Variants in KIF6 observed in about 807,000 individuals in gnomAD.
KIF6 encodes the protein kinesin-like protein KIF6.
KIF6 carries 106 observed loss-of-function variants against 112.7 expected under a neutral mutation model. That is an observed-to-expected ratio of 0.94 (90% CI 0.80 to 1.11). The LOEUF (loss-of-function observed/expected upper bound fraction) is 1.11. Ranked by LOEUF, KIF6 falls within the 50% of genes least tolerant of loss-of-function variation. The pLI, the probability that KIF6 is intolerant of heterozygous loss-of-function variation, is 0.00. For synonymous variants in KIF6, 339 were observed against 339.9 expected, an observed-to-expected ratio of 1.00 and a Z score of 0.03; for missense variants, 929 against 964.0, an observed-to-expected ratio of 0.96 and a Z score of 0.48.
chr6:39,464,437 G>A (rs1010882804), intron 13 of KIF6, among the ~76,000 whole-genome samples: 7 of 152,196 alleles, frequency 4.6e-5, no homozygotes, highest in African/African-American at 1.7e-4. Context: ...ATCAGCCAGC[G>A]TATTAAGCAT....
intron 6 of KIF6, among the ~76,000 whole-genome samples, chr6:39,597,977 C>A (rs1490031021): frequency 6.6e-6 from 1 of 151,952 alleles, no homozygotes; most frequent in Admixed American, 6.6e-5. Context: ...ACCAGCCTGA[C>A]CAAAATGGTG....
At chr6:39,720,633 A>C in intron 2 of KIF6, 69 bp downstream of exon 2, 1 of 806,562 alleles carries the variant, frequency 1.2e-6, no homozygotes. Context: ...TTCACAATGA[A>C]TATTAATGCA....
chr6:39,455,525 AT>A (rs1306798365), intron 13 of KIF6, among the ~76,000 whole-genome samples: 4 of 152,318 alleles, frequency 2.6e-5, no homozygotes, highest in Admixed American at 2.6e-4. Flanking sequence ...ATGGAGAATG[AT>A]TTTGACGAGC....
Position 39,720,700 on chromosome 6 carries a change from A to T in KIF6, c.176+2T>A. ...ATGAAAAAAGGAGAAAGAAAAACTT[A>T]CTTAAATTTGTAGCTTTCTCGCTTA... On this transcript the variant is annotated splice_donor_variant, in intron 2 of 22. Coordinates refer to ENST00000287152, the MANE Select transcript of KIF6 (RefSeq NM_145027.6). LOFTEE classifies it high-confidence loss of function. 1 of 1,489,448 alleles carries T rather than the reference A, an allele frequency of 6.7e-7. No homozygotes were observed. The highest frequency in any genetic ancestry group is 1.4e-5 in the African/African-American group (1 of 72,564). The allele number at this position is 1,489,448 out of a possible 1,614,324, so 92.3% of individuals were successfully genotyped here.
At chr6:39,640,171 C>G (rs1265342295) in intron 3 of KIF6, among the ~76,000 whole-genome samples, 1 of 152,104 alleles carries the variant, frequency 6.6e-6, no homozygotes, top group Non-Finnish European at 1.5e-5. Context: ...GGAACACACT[C>G]TGCTTGCCAC....
chr6:39,681,967 A>C (rs549552126), intron 3 of KIF6, among the ~76,000 whole-genome samples: 1 of 47,994 alleles, frequency 2.1e-5, no homozygotes, highest in South Asian at 7.4e-4. Context: ...CAGAGAAAAA[A>C]AATGCTCATC....
intron 9 of KIF6, among the ~76,000 whole-genome samples, chr6:39,579,888 A>T (rs1194291010): frequency 6.6e-6 from 1 of 151,876 alleles, no homozygotes; most frequent in Non-Finnish European, 1.5e-5. Flanking sequence ...ATATGGCAAT[A>T]CCACACTAAT....
chr6:39,592,648 CT>C (rs1782015949), intron 7 of KIF6, among the ~76,000 whole-genome samples: 1 of 152,204 alleles, frequency 6.6e-6, no homozygotes, highest in African/African-American at 2.4e-5. Flanking sequence ...GTATGTCTCC[CT>C]TTTCCTCCCA....
At chr6:39,659,981 A>G (rs917455476) in intron 3 of KIF6, among the ~76,000 whole-genome samples, 1 of 152,176 alleles carries the variant, frequency 6.6e-6, no homozygotes, top group Middle Eastern at 3.2e-3. Context: ...AAATTTATCC[A>G]TAAGTTTATA....
chr6:39,561,404 T>A (rs1040420436), intron 10 of KIF6, among the ~76,000 whole-genome samples: 1 of 151,286 alleles, frequency 6.6e-6, no homozygotes, highest in Non-Finnish European at 1.5e-5. Flanking sequence ...CAGGCTGGAG[T>A]GCGTTGGTAT....
chr6:39,701,270 C>A (rs997302818), intron 3 of KIF6, among the ~76,000 whole-genome samples: 2 of 152,190 alleles, frequency 1.3e-5, no homozygotes, highest in African/African-American at 4.8e-5. Flanking sequence ...CTGGTCCAGC[C>A]CCCACGGGAA....
At chr6:39,664,589 G>C (rs1343544962) in intron 3 of KIF6, among the ~76,000 whole-genome samples, 1 of 152,192 alleles carries the variant, frequency 6.6e-6, no homozygotes, top group Non-Finnish European at 1.5e-5. Context: ...CTGGGTGGGA[G>C]CAAGATTTAA....
intron 15 of KIF6, among the ~76,000 whole-genome samples, chr6:39,394,909 G>A (rs1768146883): frequency 6.6e-6 from 1 of 152,202 alleles, no homozygotes; most frequent in South Asian, 2.1e-4. Flanking sequence ...TTCCCCCCGT[G>A]GGGATTTTCT....
intron 6 of KIF6, among the ~76,000 whole-genome samples, chr6:39,610,158 G>T (rs906684986): frequency 1.3e-5 from 2 of 152,170 alleles, no homozygotes; most frequent in Non-Finnish European, 2.9e-5. Flanking sequence ...CTTGCGACTG[G>T]TGGACTTGGA....
intron 3 of KIF6, among the ~76,000 whole-genome samples, chr6:39,648,131 C>T (rs989497698): frequency 2.0e-5 from 3 of 148,754 alleles, no homozygotes; most frequent in Non-Finnish European, 1.5e-5. Context: ...TCAAGCGATT[C>T]TCCTGCCTCA....
At chr6:39,661,291 T>C (rs1270661013) in intron 3 of KIF6, among the ~76,000 whole-genome samples, 1 of 152,194 alleles carries the variant, frequency 6.6e-6, no homozygotes, top group Non-Finnish European at 1.5e-5. Context: ...ACTAATCCTT[T>C]GATTTGCATT....
rs575509585 is a variant in KIF6, at chr6:39,443,497, A to G, written c.1646-12336T>C. On this transcript the variant is annotated intron_variant, in intron 13 of 22. Transcript: ENST00000287152. ...CTTGCTCTATTGCCCAGGCTGGAGTAGAGTGGTGCAATCTTGGCTCACTGC... is the reference window on the plus strand; with the variant it reads ...CTTGCTCTATTGCCCAGGCTGGAGTGGAGTGGTGCAATCTTGGCTCACTGC... Among the ~76,000 whole-genome samples, 7 of 152,246 alleles carry G rather than the reference A, an allele frequency of 4.6e-5. No homozygotes were observed. In the East Asian group the frequency reaches 9.6e-4, roughly 21 times the overall value.
intron 13 of KIF6, among the ~76,000 whole-genome samples, chr6:39,442,773 G>T (rs994689090): frequency 1.3e-5 from 2 of 152,142 alleles, no homozygotes; most frequent in Non-Finnish European, 2.9e-5. Flanking sequence ...TAGGTTGACT[G>T]ACAGCTCCCT....
chr6:39,664,329 T>C (rs1240068391), intron 3 of KIF6, among the ~76,000 whole-genome samples: 2 of 152,166 alleles, frequency 1.3e-5, no homozygotes, highest in South Asian at 2.1e-4. Flanking sequence ...ACCTCTAATT[T>C]CCCCCACATG....
Sources: gnomAD v4.1 joint callset for allele counts (sites outside exome capture counted in the v4.1 genomes callset) on GRCh38, gnomAD v4.1.1 for gene constraint, MANE v1.5 for transcripts, NCBI Gene and HGNC (gene_info 2026-07-23, HGNC 2026-07-21) for gene names.